TNRC6A: variants seen among roughly 807,000 people sequenced by gnomAD.
The protein encoded by TNRC6A is trinucleotide repeat containing adaptor 6A, also known as trinucleotide repeat-containing gene 6A protein.
Under a neutral mutation model 221.2 loss-of-function variants are expected in TNRC6A, and 44 were observed. That is an observed-to-expected ratio of 0.20 (90% CI 0.16 to 0.26). The LOEUF (loss-of-function observed/expected upper bound fraction) is 0.26, where lower values mean the gene tolerates loss of function less well. Among genes scored for constraint, TNRC6A ranks in the 10% least tolerant of loss-of-function variants. TNRC6A has a pLI of 1.00. For synonymous variants in TNRC6A, 847 were observed against 838.5 expected, an observed-to-expected ratio of 1.01 and a Z score of -0.18; for missense variants, 2,199 against 2,404.4, an observed-to-expected ratio of 0.91 and a Z score of 1.79.
At chr16:24,759,830 T>G (rs2057325329) in intron 4 of TNRC6A, among the ~76,000 whole-genome samples, 2 of 151,678 alleles carry the variant, frequency 1.3e-5, no homozygotes, top group Non-Finnish European at 2.9e-5. Flanking sequence ...AGAAGAGGAG[T>G]TGAAGGCGCA....
At position 24,801,848 on chromosome 16, in the gene TNRC6A, A is replaced by T. The variant is rs574610918; in HGVS notation, c.3695-2329A>T. Among the ~76,000 whole-genome samples, 30 of 152,316 alleles carry T rather than the reference A, an allele frequency of 2.0e-4. No homozygotes were observed. The South Asian group carries it at 5.8e-3, about 29-fold the overall frequency. On this transcript the variant is annotated intron_variant, in intron 11 of 24. Transcript: ENST00000395799. ...TATCAAGAAGGAACAGCTTGGAGAG[A>T]GAGTTAGGAGAACTGGTTGGAATTG...
intron 1 of TNRC6A, among the ~76,000 whole-genome samples, chr16:24,626,953 GT>G (rs374063274): frequency 0.057 from 7,852 of 138,874 alleles, 376 homozygotes; most frequent in African/African-American, 0.13. Flanking sequence ...CGCCCAGCCT[GT>G]TTTTTTTTTT....
chr16:24,804,404 A>G (rs967241505), intron 12 of TNRC6A, 85 bp downstream of exon 12: 52 of 1,450,812 alleles, frequency 3.6e-5, no homozygotes, highest in Admixed American at 7.5e-5. Context: ...AAAACCTTTT[A>G]TATAATATAA....
At chr16:24,732,462 C>T (rs1182603877) in intron 2 of TNRC6A, among the ~76,000 whole-genome samples, 1 of 152,166 alleles carries the variant, frequency 6.6e-6, no homozygotes, top group Non-Finnish European at 1.5e-5. Context: ...TTTACATGGA[C>T]TCATCTGATC....
intron 4 of TNRC6A, among the ~76,000 whole-genome samples, chr16:24,767,819 CAGTG>C (rs1312979032): frequency 6.6e-6 from 1 of 152,128 alleles, no homozygotes; most frequent in Admixed American, 6.6e-5. Context: ...ATTAAAAACT[CAGTG>C]GGAACTAACT....
intron 2 of TNRC6A, among the ~76,000 whole-genome samples, chr16:24,721,665 G>A (rs961850013): frequency 3.3e-5 from 5 of 152,244 alleles, no homozygotes; most frequent in Non-Finnish European, 4.4e-5. Context: ...AAATTAGCCC[G>A]GCCTGGTGGT....
chr16:24,794,503 A>G (rs376581508), intron 7 of TNRC6A, 41 bp from the exon 8 acceptor site: 641 of 1,574,852 alleles, frequency 4.1e-4, no homozygotes, highest in Non-Finnish European at 5.2e-4. Context: ...GAATTCTTTT[A>G]TTAAAGTATG....
chr16:24,784,065 G>A (rs541825511), intron 5 of TNRC6A, among the ~76,000 whole-genome samples: 18 of 151,766 alleles, frequency 1.2e-4, no homozygotes, highest in Non-Finnish European at 2.4e-4. Flanking sequence ...GCAGTGGTGC[G>A]ATCTCGACTC....
intron 2 of TNRC6A, among the ~76,000 whole-genome samples, chr16:24,657,339 A>AACAAC (rs1567330483): frequency 7.9e-6 from 1 of 126,684 alleles, no homozygotes; most frequent in East Asian, 2.2e-4. Context: ...AAAAAAAAAA[A>AACAAC]AAACAAACAA....
At chr16:24,631,311 C>T (rs1461179962) in intron 1 of TNRC6A, among the ~76,000 whole-genome samples, 1 of 151,978 alleles carries the variant, frequency 6.6e-6, no homozygotes, top group Admixed American at 6.6e-5. Flanking sequence ...TTTGCCTATC[C>T]AGTGGCCAAG....
In TNRC6A at chr16:24,823,092, A is replaced by G. The variant is rs2152119962; in HGVS notation, c.5513+79A>G. 1.3e-6 allele frequency: 2 copies of G among 1,573,154 alleles called. No individual in the cohort carries two copies. The highest frequency in any genetic ancestry group is 4.5e-5 in the East Asian group (2 of 44,620). On this transcript the variant is annotated intron_variant, in intron 24 of 24. Transcript: ENST00000395799. The surrounding 1 kb of genome is among the most constrained non-coding windows in gnomAD (Gnocchi z 4.3). ...AGCACAGCCTGACCCGGGGCAGTGC[A>G]CAGGGTCCTGCGTGGGTGGCTCCTG...
intron 2 of TNRC6A, among the ~76,000 whole-genome samples, chr16:24,646,573 A>G (rs1902301886): frequency 6.6e-6 from 1 of 152,218 alleles, no homozygotes; most frequent in African/African-American, 2.4e-5. Context: ...TTGAAACTCC[A>G]ATAAAACCAG....
At chr16:24,672,268 C>T (rs2055319538) in intron 2 of TNRC6A, among the ~76,000 whole-genome samples, 1 of 151,640 alleles carries the variant, frequency 6.6e-6, no homozygotes, top group African/African-American at 2.4e-5. Context: ...ACTACAGGCG[C>T]ACGCCGCCAC....
intron 4 of TNRC6A, 126 bp from the exon 5 acceptor site, chr16:24,776,807 C>G: frequency 8.0e-6 from 12 of 1,493,450 alleles, no homozygotes; most frequent in African/African-American, 1.4e-5. Context: ...GAGGATATCC[C>G]TGCTCACAGA....
intron 2 of TNRC6A, among the ~76,000 whole-genome samples, chr16:24,650,172 T>C (rs1487157461): frequency 6.6e-6 from 1 of 152,134 alleles, no homozygotes; most frequent in Non-Finnish European, 1.5e-5. Flanking sequence ...CATTTGCATC[T>C]CCATTTAATT....
At chr16:24,819,373 A>G (rs985463458) in intron 21 of TNRC6A, among the ~76,000 whole-genome samples, 2 of 152,092 alleles carry the variant, frequency 1.3e-5, no homozygotes, top group Non-Finnish European at 2.9e-5. Context: ...ATACCCACTC[A>G]TGTCTCCATT....
intron 21 of TNRC6A, 82 bp from the exon 22 acceptor site, chr16:24,820,056 TG>T: frequency 7.7e-7 from 1 of 1,298,244 alleles, no homozygotes; most frequent in Non-Finnish European, 1.1e-6. Flanking sequence ...TTGCTTTTTG[TG>T]GGAGAATGGA....
intron 2 of TNRC6A, among the ~76,000 whole-genome samples, chr16:24,667,258 C>G (rs2055191857): frequency 6.6e-6 from 1 of 152,152 alleles, no homozygotes; most frequent in African/African-American, 2.4e-5. Context: ...CTCTGCTGAC[C>G]TTGGCTGGGC....
chr16:24,790,796 G>A lies in TNRC6A; in HGVS notation c.2154G>A (p.Leu718=), dbSNP rs375531899. Residue 718 remains leucine (L), a synonymous_variant, in exon 6 of 25, where the codon CTG becomes CTA. Transcript: ENST00000395799. Reference sequence around the variant, plus strand: ...GAACTGACTTAGATCCACGTGTCCTGTCCAACTCTGGTTGGGGACAGACTC... The same window carrying A: ...GAACTGACTTAGATCCACGTGTCCTATCCAACTCTGGTTGGGGACAGACTC... ...VNRTDLDPRV[L]SNSGWGQTPI... The A allele has an allele frequency of 6.2e-7, 1 of 1,614,136 alleles. No homozygotes were observed. Among genetic ancestry groups the A allele is most frequent in the East Asian group, 2.2e-5 (1 of 44,888 alleles).
Sources: allele counts gnomAD v4.1 joint callset (sites outside exome capture counted in the v4.1 genomes callset), GRCh38; gene constraint gnomAD v4.1.1; non-coding constraint Gnocchi (gnomAD v3.1); transcripts MANE v1.5; gene names NCBI Gene and HGNC (gene_info 2026-07-23, HGNC 2026-07-21).